The following CCDC180 variants were observed in gnomAD, a reference collection of about 807,000 sequenced individuals.
CCDC180 encodes the protein coiled-coil domain containing 180.
A neutral mutation model predicts 209.2 loss-of-function variants in CCDC180; 154 were observed. That is an observed-to-expected ratio of 0.74 (90% CI 0.65 to 0.84). The LOEUF is 0.84. Among genes scored for constraint, CCDC180 ranks in the 40% least tolerant of loss-of-function variants. The pLI, the probability that CCDC180 is intolerant of heterozygous loss-of-function variation, is 0.00. For missense variants in CCDC180, 1,874 were observed against 1,997.3 expected (o/e 0.94, Z 1.18); for synonymous variants, 778 against 749.1 (o/e 1.04, Z -0.63).
At chr9:97,335,635 C>T (rs1825881532) in intron 18 of CCDC180, among the ~76,000 whole-genome samples, 2 of 152,288 alleles carry the variant, frequency 1.3e-5, no homozygotes, top group South Asian at 2.1e-4. Flanking sequence ...CCGCAATAAA[C>T]GTACATGTGC....
intron 18 of CCDC180, among the ~76,000 whole-genome samples, chr9:97,335,636 G>C (rs1035875511): frequency 7.9e-5 from 12 of 152,066 alleles, no homozygotes; most frequent in Non-Finnish European, 1.6e-4. Context: ...CGCAATAAAC[G>C]TACATGTGCA....
intron 20 of CCDC180, 125 bp downstream of exon 20, chr9:97,347,614 A>T: frequency 2.2e-6 from 2 of 912,532 alleles, no homozygotes; most frequent in African/African-American, 1.7e-5. Flanking sequence ...TGTTCTCATC[A>T]CACCATGGAA....
In CCDC180 at chr9:97,366,197, C is replaced by T; in HGVS notation, c.4048-362C>T. Among the ~76,000 whole-genome samples, 1 of 152,236 alleles carries T rather than the reference C, an allele frequency of 6.6e-6. No homozygotes were observed. The highest frequency in any genetic ancestry group is 1.5e-5 in the Non-Finnish European group (1 of 68,036). On this transcript the variant is annotated intron_variant, in intron 30 of 36. Transcript: ENST00000529487. This position sits in a 1 kb window ranked among gnomAD's most constrained non-coding sequence, Gnocchi z 4.3. The stretch of plus-strand genomic sequence containing the variant: ...TGTCTGCCTCCTTCAGGGCAGGGTC[C>T]CTGGCTCGCCCGTCTTTGTGGCCTG...
intron 22 of CCDC180, among the ~76,000 whole-genome samples, chr9:97,351,929 A>T (rs1009975651): frequency 6.6e-6 from 1 of 152,112 alleles, no homozygotes; most frequent in Non-Finnish European, 1.5e-5. Flanking sequence ...CCTTGCCAAC[A>T]TGGAGAAACC....
At chr9:97,365,506 G>A in intron 29 of CCDC180, 167 bp from the exon 30 acceptor site, 1 of 644,348 alleles carries the variant, frequency 1.6e-6, no homozygotes, top group East Asian at 2.6e-5. Flanking sequence ...GTTAGCTGCT[G>A]TTATGGAGTG....
chr9:97,371,692 A>G lies in CCDC180; in HGVS notation c.4586A>G (p.Asp1529Gly), dbSNP rs779064047. The G allele has an allele frequency of 3.8e-6, 6 of 1,593,332 alleles. No individual in the cohort carries two copies. The highest frequency in any genetic ancestry group is 5.2e-6 in the Non-Finnish European group (6 of 1,163,796). ...TTGGATGAGGTGGTCACCATTGACG[A>G]TGTCCAGGTTGCAAGTAAGAGGCAC... ...LQLDEVVTID[D>G]VQVARMEPPK... The change falls in exon 34 of 37, where the codon GAT (aspartate) becomes GGT (glycine). Residue 1529 changes from aspartate to glycine, a missense_variant. By Grantham distance (94) the Asp-to-Gly change is moderately conservative (BLOSUM62 -1). Coordinates refer to ENST00000529487, the MANE Select transcript of CCDC180 (RefSeq NM_020893.6).
At chr9:97,335,199 T>C (rs896510949) in intron 18 of CCDC180, among the ~76,000 whole-genome samples, 1 of 152,140 alleles carries the variant, frequency 6.6e-6, no homozygotes, top group Non-Finnish European at 1.5e-5. Context: ...TTTTTAATAC[T>C]TTAAGTTCTA....
chr9:97,313,168 G>A, intron 4 of CCDC180, 68 bp from the exon 5 acceptor site: 1 of 1,013,590 alleles, frequency 9.9e-7, no homozygotes, highest in Non-Finnish European at 1.6e-6. Flanking sequence ...TGCAGGGGCT[G>A]TCTGCCTGTG....
chr9:97,326,641 A>G lies in CCDC180; in HGVS notation c.1633A>G (p.Lys545Glu). ...ACTGGCGTTTCACCTGGAAAAGGTC[A>G]AAGATTATCTGAAGAACATGAAATC... is the stretch of plus-strand genomic sequence containing the variant. ...ETLAFHLEKV[K>E]DYLKNMKSRY... The change falls in exon 15 of 37, where the codon AAA becomes GAA. Residue 545 changes from lysine (K) to glutamate (E), a missense_variant. By Grantham distance (56) the Lys-to-Glu change is moderately conservative (BLOSUM62 1). Coordinates refer to ENST00000529487, the MANE Select transcript of CCDC180 (RefSeq NM_020893.6). The G allele has an allele frequency of 6.2e-7, 1 of 1,612,618 alleles. No individual in the cohort carries two copies. Among genetic ancestry groups the G allele is most frequent in the Non-Finnish European group, 8.5e-7 (1 of 1,178,592 alleles).
At chr9:97,350,193 G>A (rs1028716768) in intron 21 of CCDC180, among the ~76,000 whole-genome samples, 1 of 148,398 alleles carries the variant, frequency 6.7e-6, no homozygotes, top group Non-Finnish European at 1.5e-5. Context: ...ACCCATCAGC[G>A]TTGTGCCCCC....
rs1253716058 is a variant in CCDC180, at chr9:97,320,130, C to T, written c.1084C>T (p.Leu362Phe). 2.5e-6 allele frequency: 4 copies of T among 1,614,036 alleles called. No homozygotes were observed. The highest frequency in any genetic ancestry group is 1.1e-5 in the South Asian group (1 of 91,082). The change falls in exon 11 of 37, where the codon CTC (leucine) becomes TTC (phenylalanine). Residue 362 changes from leucine (L) to phenylalanine (F), a missense_variant. Physicochemically the swap from Leu to Phe is conservative, Grantham distance 22. Coordinates refer to ENST00000529487, the MANE Select transcript of CCDC180 (RefSeq NM_020893.6). Reference sequence around the variant, plus strand: ...TTGCTGTATCTTCCTTCCCAGTGACCTCCTGCCCCCCAGTTACAGCAAAAC... The same window carrying T: ...TTGCTGTATCTTCCTTCCCAGTGACTTCCTGCCCCCCAGTTACAGCAAAAC... Reference protein sequence around the residue: ...RLKHLCTICDLLPPSYSKTQL... With the variant: ...RLKHLCTICDFLPPSYSKTQL...
intron 31 of CCDC180, among the ~76,000 whole-genome samples, chr9:97,368,073 G>C (rs1023780128): frequency 5.3e-5 from 8 of 152,156 alleles, no homozygotes; most frequent in Non-Finnish European, 8.8e-5. Context: ...CCCCTCTCTG[G>C]TAAACTCACA....
intron 22 of CCDC180, among the ~76,000 whole-genome samples, chr9:97,351,178 G>A (rs1826410896): frequency 6.6e-6 from 1 of 152,154 alleles, no homozygotes; most frequent in Non-Finnish European, 1.5e-5. Context: ...TCCTAGAAGT[G>A]GAATTGCTGG....
chr9:97,374,467 G>A, intron 34 of CCDC180, 76 bp from the exon 35 acceptor site: 1 of 1,147,262 alleles, frequency 8.7e-7, no homozygotes, highest in Non-Finnish European at 1.3e-6. Context: ...CCTTTTCTAA[G>A]TGTAATGCCA....
rs1833054585 is a variant in CCDC180 at position 97,313,340 on chromosome 9, G to C, written c.454G>C (p.Gly152Arg). The C allele has an allele frequency of 1.2e-6, 2 of 1,607,082 alleles. No homozygotes were observed. The highest frequency in any genetic ancestry group is 3.3e-5 in the Admixed American group (2 of 59,918). Residue 152 changes from glycine to arginine, a missense_variant, in exon 5 of 37, where the codon GGA becomes CGA. Coordinates refer to ENST00000529487, the MANE Select transcript of CCDC180 (RefSeq NM_020893.6). ...CTTTCAGGAGGAGATTGCGCAGGTG[G>C]GAAAGGTGAGAATCCTCCCTCTCCC... Reference protein sequence around the residue: ...ASFQEEIAQVGKEMEPLIVDT... With the variant: ...ASFQEEIAQVRKEMEPLIVDT...
chr9:97,341,771 T>C (rs1027459159), intron 18 of CCDC180, among the ~76,000 whole-genome samples: 4 of 152,214 alleles, frequency 2.6e-5, no homozygotes, highest in Non-Finnish European at 5.9e-5. Flanking sequence ...TGTTCAGCTA[T>C]GCCCTGCCCC....
At chr9:97,307,903 CT>C (rs1161669837) in intron 1 of CCDC180, 79 bp from the exon 2 acceptor site, 3 of 1,589,130 alleles carry the variant, frequency 1.9e-6, no homozygotes, top group Admixed American at 1.7e-5. Flanking sequence ...GAGTCCTGCC[CT>C]GGGGTGCCGC....
chr9:97,333,503 GTTTTTTT>G (rs373215367), intron 18 of CCDC180, among the ~76,000 whole-genome samples: 25 of 72,848 alleles, frequency 3.4e-4, no homozygotes, highest in Non-Finnish European at 5.2e-4. Flanking sequence ...CTGGGTTTGG[GTTTTTTT>G]TTTTTTTTTT....
chr9:97,320,248 T>C, intron 11 of CCDC180, 43 bp downstream of exon 11: 1 of 1,557,778 alleles, frequency 6.4e-7, no homozygotes, highest in Non-Finnish European at 8.9e-7. Flanking sequence ...TCTCCAGAAC[T>C]GTTTAAGCAG....
Sources: gnomAD v4.1 joint callset for allele counts (sites outside exome capture counted in the v4.1 genomes callset) on GRCh38, gnomAD v4.1.1 for gene constraint, Gnocchi (gnomAD v3.1) non-coding constraint, MANE v1.5 for transcripts, NCBI Gene and HGNC (gene_info 2026-07-23, HGNC 2026-07-21) for gene names.